FAM120C: variants seen among roughly 807,000 people sequenced by gnomAD.
The protein encoded by FAM120C is constitutive coactivator of PPAR-gamma-like protein 2.
A neutral mutation model predicts 71.2 loss-of-function variants in FAM120C; 14 were observed. That is an observed-to-expected ratio of 0.20 (90% confidence interval 0.13 to 0.31). FAM120C has a LOEUF of 0.31. Ranked by LOEUF, FAM120C falls within the 10% of genes least tolerant of loss-of-function variation. The pLI is 1.00. For missense variants in FAM120C, 500 were observed against 879.0 expected (o/e 0.57, Z 5.45); for synonymous variants, 354 against 353.2 (o/e 1.00, Z -0.03).
intron 10 of FAM120C, among the ~76,000 whole-genome samples, chrX:54,106,649 A>T (rs1484301792): frequency 8.9e-6 from 1 of 112,101 alleles, no homozygotes; most frequent in African/African-American, 3.2e-5. Flanking sequence ...AAATTTTTGC[A>T]ATCTATCCAT....
chrX:54,093,250 T>A (rs781978943), intron 10 of FAM120C, among the ~76,000 whole-genome samples: 1 of 112,207 alleles, frequency 8.9e-6, no homozygotes, highest in South Asian at 3.7e-4. Context: ...ACCAGTCATA[T>A]CCTGAACCAC....
At chrX:54,085,623 G>T in intron 13 of FAM120C, 92 bp downstream of exon 13, 2 of 838,859 alleles carry the variant, frequency 2.4e-6, no homozygotes, top group Non-Finnish European at 3.4e-6. Flanking sequence ...AGATATATGT[G>T]AAACTGTTGA....
intron 9 of FAM120C, among the ~76,000 whole-genome samples, chrX:54,127,544 T>C (rs1296198354): frequency 5.1e-5 from 5 of 98,731 alleles, no homozygotes; most frequent in Middle Eastern, 5.0e-3. Flanking sequence ...TGAGCCGAGA[T>C]TGTGCCACTG....
chrX:54,110,340 C>T (rs1557125519), intron 10 of FAM120C, among the ~76,000 whole-genome samples: 1 of 109,267 alleles, frequency 9.2e-6, no homozygotes, highest in African/African-American at 3.3e-5. Flanking sequence ...AAATAAGACA[C>T]CAAAACACAC....
chrX:54,165,480 A>G (rs1557135029), intron 1 of FAM120C, among the ~76,000 whole-genome samples: 3 of 111,918 alleles, frequency 2.7e-5, no homozygotes, highest in Non-Finnish European at 5.6e-5. Context: ...AACTAGGATA[A>G]CCATGAAAAT....
chrX:54,104,817 A>G (rs1448625115), intron 10 of FAM120C, among the ~76,000 whole-genome samples: 2 of 110,156 alleles, frequency 1.8e-5, no homozygotes, highest in Non-Finnish European at 3.8e-5. Flanking sequence ...CGGGGGGGGA[A>G]AAAAAAGAAA....
rs1357569254 is a variant in FAM120C, at chrX:54,081,380, A to G, written c.2920T>C (p.Ser974Pro). 8.3e-7 allele frequency: 1 copy of G among 1,205,794 alleles called. No individual in the cohort carries two copies. Among genetic ancestry groups the G allele is most frequent in the African/African-American group, 1.8e-5 (1 of 56,031 alleles). ...ATGCCGAAGGATCCTCGGCCCCTGG[A>G]GGATCTGCTGCCAGCCCACTGGCCC... ...VVGQWAGSRS[S>P]RGRGSFGMQV... The change falls in exon 14 of 16, where the codon TCC (serine) becomes CCC (proline). Residue 974 changes from serine to proline, a missense_variant. Transcript: ENST00000375180.
At chrX:54,174,004 G>A (rs782529396) in intron 1 of FAM120C, 11 of 472,157 alleles carry the variant, frequency 2.3e-5, no homozygotes, top group South Asian at 1.8e-4. Flanking sequence ...ACTCACGTAC[G>A]TGGCTGTTGG....
chrX:54,090,452 C>T (rs1021841652), intron 11 of FAM120C, among the ~76,000 whole-genome samples: 2 of 110,048 alleles, frequency 1.8e-5, no homozygotes, highest in Non-Finnish European at 3.8e-5. Context: ...AGGGTGGTCT[C>T]GAACTCCTGA....
At chrX:54,156,312 AGTCT>A (rs1557133682) in intron 3 of FAM120C, among the ~76,000 whole-genome samples, 1 of 85,802 alleles carries the variant, frequency 1.2e-5, no homozygotes, top group Admixed American at 1.6e-4. Context: ...GTCTCACAAC[AGTCT>A]TTTTTTTTTT....
At chrX:54,076,736 A>G (rs1448360714) in intron 15 of FAM120C, among the ~76,000 whole-genome samples, 5 of 112,084 alleles carry the variant, frequency 4.5e-5, no homozygotes, top group African/African-American at 1.6e-4. Flanking sequence ...TAAGTATTCA[A>G]TGAGACACTA....
intron 10 of FAM120C, among the ~76,000 whole-genome samples, chrX:54,104,944 G>T (rs1014978081): frequency 9.0e-6 from 1 of 111,558 alleles, no homozygotes; most frequent in African/African-American, 3.3e-5. Flanking sequence ...AAAGTCCAGG[G>T]CCAGAAGGAT....
chrX:54,099,634 T>C (rs1557123867), intron 10 of FAM120C, among the ~76,000 whole-genome samples: 2 of 112,354 alleles, frequency 1.8e-5, no homozygotes, highest in African/African-American at 6.5e-5. Flanking sequence ...AAGTCTATGA[T>C]ATATTTTGAG....
At chrX:54,090,106 T>G (rs1021622657) in intron 11 of FAM120C, among the ~76,000 whole-genome samples, 1 of 111,251 alleles carries the variant, frequency 9.0e-6, no homozygotes, top group African/African-American at 3.3e-5. Context: ...TGGAACCTAG[T>G]AGGAGGTGTC....
In FAM120C at chrX:54,081,304, A is replaced by G. The variant is rs782807361; in HGVS notation, c.2978+18T>C. ...TTCCCAAGGGGACTAGCTCATATCA[A>G]CCTATTTGGGTACATACCCCTTTCC... On this transcript the variant is annotated intron_variant, in intron 14 of 15. Coordinates refer to ENST00000375180, the MANE Select transcript of FAM120C (RefSeq NM_017848.6). 9.2e-6 allele frequency: 11 copies of G among 1,199,315 alleles called. No homozygotes were observed. Among genetic ancestry groups the G allele is most frequent in the Non-Finnish European group, 1.2e-5 (11 of 889,510 alleles).
intron 15 of FAM120C, 94 bp downstream of exon 15, chrX:54,080,138 T>C: frequency 5.6e-6 from 4 of 714,320 alleles, no homozygotes; most frequent in Non-Finnish European, 8.8e-6. Flanking sequence ...CCTAAGCAGC[T>C]CAGGTTTCCA....
chrX:54,087,325 A>T (rs2066799984), intron 12 of FAM120C, among the ~76,000 whole-genome samples: 1 of 95,726 alleles, frequency 1.0e-5, no homozygotes, highest in South Asian at 4.8e-4. Context: ...AAAAAAAAAA[A>T]TCCTCTGCTT....
intron 10 of FAM120C, among the ~76,000 whole-genome samples, chrX:54,099,129 G>A (rs929126520): frequency 9.6e-6 from 1 of 104,341 alleles, no homozygotes; most frequent in African/African-American, 3.5e-5. Flanking sequence ...ATCCTCCCCC[G>A]ACAGCCTCTG....
chrX:54,091,537 ATAC>A, intron 10 of FAM120C, 111 bp from the exon 11 acceptor site: 1 of 466,776 alleles, frequency 2.1e-6, no homozygotes, highest in Non-Finnish European at 3.6e-6. Context: ...GATTTTGGCA[ATAC>A]TAACTGAATG....
Sources: gnomAD v4.1 joint callset for allele counts (sites outside exome capture counted in the v4.1 genomes callset) on GRCh38, gnomAD v4.1.1 for gene constraint, MANE v1.5 for transcripts, NCBI Gene and HGNC (gene_info 2026-07-23, HGNC 2026-07-21) for gene names.